Variants in AKT2 observed in about 807,000 individuals in gnomAD.
The protein encoded by AKT2 is RAC-beta serine/threonine-protein kinase.
In AKT2, 16 loss-of-function variants were observed where a neutral mutation model predicts 58.6. The ratio of observed to expected loss-of-function variants is 0.27; its 90% confidence interval spans 0.18 to 0.41. The LOEUF is 0.41. AKT2 is among the 10% of genes least tolerant of loss of function. AKT2 has a pLI of 1.00. For missense variants in AKT2, 438 were observed against 661.0 expected (o/e 0.66, Z 3.70); for synonymous variants, 253 against 254.0 (o/e 1.00, Z 0.04).
At chr19:40,271,204 C>T (rs1431802547) in intron 1 of AKT2, among the ~76,000 whole-genome samples, 1 of 133,038 alleles carries the variant, frequency 7.5e-6, no homozygotes, top group Non-Finnish European at 1.5e-5. Flanking sequence ...TACGTACATA[C>T]ATACATACAT....
At chr19:40,241,720 C>T in intron 6 of AKT2, 4 of 671,274 alleles carry the variant, frequency 6.0e-6, no homozygotes, top group Non-Finnish European at 7.3e-6. Context: ...TCTCCACAGG[C>T]ACCCCCAGCC....
chr19:40,254,290 T>C (rs1975377770), intron 4 of AKT2, among the ~76,000 whole-genome samples: 1 of 152,052 alleles, frequency 6.6e-6, no homozygotes, highest in Admixed American at 6.5e-5. Context: ...CTCAGCACTT[T>C]GGAGGCCGAG....
rs1207266863 is a variant in AKT2, at chr19:40,271,446, C to A, written c.-84-6095G>T. On this transcript the variant is annotated intron_variant, in intron 1 of 13. Coordinates refer to ENST00000392038, the MANE Select transcript of AKT2 (RefSeq NM_001626.6). ...TGTCTCAAAAAAAAAAAAAAAAAAA[C>A]CAAAAAACCCAAAGACAACAGGAAC... Among the ~76,000 whole-genome samples, 241 of 140,500 alleles carry A rather than the reference C, an allele frequency of 1.7e-3. 2 individuals are homozygous for A. The highest frequency in any genetic ancestry group is 3.0e-3 in the Non-Finnish European group (192 of 64,706). 92.2% of individuals were successfully genotyped at this position (140,500 alleles called of 152,430 possible).
Position 40,237,139 on chromosome 19 carries a change from A to T in AKT2, c.832-754T>A, listed in dbSNP as rs1974081256. The T allele has an allele frequency of 6.5e-6, 1 of 154,774 alleles. No homozygotes were observed. Among genetic ancestry groups the T allele is most frequent in the Non-Finnish European group, 1.4e-5 (1 of 69,850 alleles). 9.6% of individuals were successfully genotyped at this position (154,774 alleles called of 1,614,324 possible). On this transcript the variant is annotated intron_variant, in intron 9 of 13. Coordinates refer to ENST00000392038, the MANE Select transcript of AKT2 (RefSeq NM_001626.6). The surrounding 1 kb of genome is among the most constrained non-coding windows in gnomAD (Gnocchi z 4.5). ...CGTGTGTAGCTGTAGCTCATTCCTA[A>T]CTGCTGTGTGGCGTCCCACTGTGAG...
Position 40,264,180 on chromosome 19 carries a change from G to A in AKT2, c.46+1042C>T, listed in dbSNP as rs1389150279. Among the ~76,000 whole-genome samples the A allele has an allele frequency of 1.3e-5, 2 of 152,286 alleles. 1 individual carries two copies. The highest frequency in any genetic ancestry group is 3.9e-4 in the East Asian group (2 of 5,178). ...TGCTGAATGAATGCAAGTGCACACA[G>A]GGCAGCCAACCGCCACACCTGGGGA... is the stretch of plus-strand genomic sequence containing the variant. On this transcript the variant is annotated intron_variant, in intron 2 of 13. Coordinates refer to ENST00000392038, the MANE Select transcript of AKT2 (RefSeq NM_001626.6).
intron 4 of AKT2, among the ~76,000 whole-genome samples, chr19:40,250,408 C>A (rs542146314): frequency 2.0e-5 from 3 of 151,938 alleles, no homozygotes; most frequent in Non-Finnish European, 4.4e-5. Flanking sequence ...GAGGCTGAGG[C>A]GTGAGAATCA....
rs564458651 is a variant in AKT2, at chr19:40,238,531, C to T, written c.708+374G>A. 6.6e-6 allele frequency among the ~76,000 whole-genome samples: 1 copy of T among 152,246 alleles called. No homozygotes were observed. The highest frequency in any genetic ancestry group is 1.9e-4 in the East Asian group (1 of 5,156). On this transcript the variant is annotated intron_variant, in intron 8 of 13. Coordinates refer to ENST00000392038, the MANE Select transcript of AKT2 (RefSeq NM_001626.6). This position sits in a 1 kb window ranked among gnomAD's most constrained non-coding sequence, Gnocchi z 5.1. Reference sequence around the variant, plus strand: ...TCTGTAAGGGGAAGCTGAGCGGCTGCGGGAATTCACTTCGAGAGGACACGG... The same window carrying T: ...TCTGTAAGGGGAAGCTGAGCGGCTGTGGGAATTCACTTCGAGAGGACACGG...
chr19:40,282,823 T>G (rs1310496403), intron 1 of AKT2: 1 of 268,568 alleles, frequency 3.7e-6, no homozygotes, highest in Non-Finnish European at 7.4e-6. Context: ...AGCACAGGGC[T>G]GGGCAGAGTA....
At chr19:40,274,852 T>C (rs2077281348) in intron 1 of AKT2, 1 of 350,772 alleles carries the variant, frequency 2.9e-6, no homozygotes, top group Non-Finnish European at 5.7e-6. Flanking sequence ...TTGTGGCTCT[T>C]ATTTGGAGTG....
Position 40,234,759 on chromosome 19 carries a change from C to T in AKT2, c.1366+286G>A. The T allele has an allele frequency of 1.6e-6, 1 of 608,784 alleles. No homozygotes were observed. The highest frequency in any genetic ancestry group is 2.7e-5 in the East Asian group (1 of 36,596). 37.7% of individuals were successfully genotyped at this position (608,784 alleles called of 1,614,324 possible). On this transcript the variant is annotated intron_variant, in intron 13 of 13. Transcript: ENST00000392038. This position sits in a 1 kb window ranked among gnomAD's most constrained non-coding sequence, Gnocchi z 4.7. ...CCTGGGCTGAGTTCAGAGTAAGAAC[C>T]CAAACAGCTGTAAAGCAGTGAACCC... is the stretch of plus-strand genomic sequence containing the variant.
At chr19:40,246,293 T>G (rs1026261527) in intron 4 of AKT2, among the ~76,000 whole-genome samples, 25 of 152,008 alleles carry the variant, frequency 1.6e-4, no homozygotes, top group Non-Finnish European at 2.5e-4. Context: ...GCCACCATAA[T>G]TTTTGTATTT....
At chr19:40,243,849 C>G (rs1974564815) in intron 4 of AKT2, 1 of 151,958 alleles carries the variant, frequency 6.6e-6, no homozygotes, top group Non-Finnish European at 1.5e-5. Flanking sequence ...TCGAGACCAG[C>G]CTGGCCAACA....
intron 2 of AKT2, among the ~76,000 whole-genome samples, chr19:40,260,628 C>CA (rs34124347): frequency 0.027 from 670 of 25,000 alleles, 199 homozygotes; most frequent in African/African-American, 0.044. Flanking sequence ...GATTCCATCT[C>CA]AAAAAAAAAA....
chr19:40,241,862 G>C, intron 6 of AKT2, 76 bp downstream of exon 6: 2 of 1,603,020 alleles, frequency 1.2e-6, no homozygotes, highest in Non-Finnish European at 1.7e-6. Flanking sequence ...GCGCGGGTAA[G>C]CGTCCAGGCC....
rs2288917 is a variant in AKT2 at position 40,235,212 on chromosome 19, C to A, written c.1263+51G>T. ...CAGGAGGCCTCAACCAAGGTCACCA[C>A]GAGTGGGCCAGGTCCCTGAGGGTCC... On this transcript the variant is annotated intron_variant, in intron 12 of 13. Transcript: ENST00000392038. The surrounding 1 kb of genome is among the most constrained non-coding windows in gnomAD (Gnocchi z 6.3). The A allele has an allele frequency of 4.3e-6, 7 of 1,613,548 alleles. No homozygotes were observed. Among genetic ancestry groups the A allele is most frequent in the African/African-American group, 4.0e-5 (3 of 74,854 alleles).
chr19:40,235,686 C>T lies in AKT2; in HGVS notation c.1175+204G>A, dbSNP rs1482716509. On this transcript the variant is annotated intron_variant, in intron 11 of 13. Coordinates refer to ENST00000392038, the MANE Select transcript of AKT2 (RefSeq NM_001626.6). This position sits in a 1 kb window ranked among gnomAD's most constrained non-coding sequence, Gnocchi z 6.3. Reference sequence around the variant, plus strand: ...GGGGATGCCCTGTTCCTCAGTGTCCCCATAAAATAAGGCAGTGTCAAGGAT... The same window carrying T: ...GGGGATGCCCTGTTCCTCAGTGTCCTCATAAAATAAGGCAGTGTCAAGGAT... 6.6e-6 allele frequency among the ~76,000 whole-genome samples: 1 copy of T among 152,192 alleles called. No individual in the cohort carries two copies. The highest frequency in any genetic ancestry group is 1.5e-5 in the Non-Finnish European group (1 of 68,024).
At position 40,283,874 on chromosome 19, in the gene AKT2, C is replaced by A. The variant is rs2145444554; in HGVS notation, c.-85+1307G>T. Reference sequence around the variant, plus strand: ...AACAGCTCCCGGCCTCACTGCAAGGCCAACTGTTACTGCCTTGGTGGGGAG... The same window carrying A: ...AACAGCTCCCGGCCTCACTGCAAGGACAACTGTTACTGCCTTGGTGGGGAG... On this transcript the variant is annotated intron_variant, in intron 1 of 13. Transcript: ENST00000392038. Among the ~76,000 whole-genome samples, 2 of 152,318 alleles carry A rather than the reference C, an allele frequency of 1.3e-5. 1 individual carries two copies. The highest frequency in any genetic ancestry group is 4.1e-4 in the South Asian group (2 of 4,822).
intron 1 of AKT2, chr19:40,269,618 T>C (rs1976579538): frequency 6.6e-6 from 1 of 152,186 alleles, no homozygotes; most frequent in Non-Finnish European, 1.5e-5. Context: ...AATTAGTGTA[T>C]GTACAAAAGA....
At position 40,242,244 on chromosome 19, in the gene AKT2, G is replaced by T; in HGVS notation, c.442-175C>A. 1.0e-6 allele frequency: 1 copy of T among 994,320 alleles called. No homozygotes were observed. Among genetic ancestry groups the T allele is most frequent in the Non-Finnish European group, 1.5e-6 (1 of 660,646 alleles). 61.6% of individuals were successfully genotyped at this position (994,320 alleles called of 1,614,324 possible). A position where few individuals can be genotyped will look rare whatever the true frequency, so the allele number is the denominator to read the frequency against. ...TGTTCTGAAGCGGCCTTCAGACCAG[G>T]CTCTGCAGGCACAGGGCCTTGGGAG... On this transcript the variant is annotated intron_variant, in intron 5 of 13. Transcript: ENST00000392038. The surrounding 1 kb of genome is among the most constrained non-coding windows in gnomAD (Gnocchi z 4.3).
Sources: gnomAD v4.1 joint callset for allele counts (sites outside exome capture counted in the v4.1 genomes callset) on GRCh38, gnomAD v4.1.1 for gene constraint, Gnocchi (gnomAD v3.1) non-coding constraint, MANE v1.5 for transcripts, NCBI Gene and HGNC (gene_info 2026-07-23, HGNC 2026-07-21) for gene names.